DAB1: variants seen among roughly 807,000 people sequenced by gnomAD.
DAB1 encodes disabled homolog 1.
DAB1 carries 15 observed loss-of-function variants against 64.6 expected under a neutral mutation model. The observed-to-expected ratio is 0.23, with a 90% CI of 0.16 to 0.36. The LOEUF (loss-of-function observed/expected upper bound fraction) is 0.36, where lower values mean the gene tolerates loss of function less well. Among genes scored for constraint, DAB1 ranks in the 10% least tolerant of loss-of-function variants. The pLI, the probability that DAB1 is intolerant of heterozygous loss-of-function variation, is 1.00. For synonymous variants in DAB1, 235 were observed against 251.9 expected, an observed-to-expected ratio of 0.93 and a Z score of 0.64; for missense variants, 596 against 706.7, an observed-to-expected ratio of 0.84 and a Z score of 1.78.
At chr1:58,189,490 C>G (rs1448131339) in intron 4 of DAB1, among the ~76,000 whole-genome samples, 1 of 152,204 alleles carries the variant, frequency 6.6e-6, no homozygotes, top group Admixed American at 6.5e-5. Flanking sequence ...ACCCTCATTT[C>G]TATCATTTAG....
chr1:58,133,146 C>G (rs761181469), intron 5 of DAB1, among the ~76,000 whole-genome samples: 3 of 152,100 alleles, frequency 2.0e-5, no homozygotes, highest in Non-Finnish European at 4.4e-5. Context: ...GTTTGGCACA[C>G]AAGGGCTTTC....
At chr1:57,245,653 T>TG (rs1668814662) in intron 2 of DAB1, among the ~76,000 whole-genome samples, 1 of 152,236 alleles carries the variant, frequency 6.6e-6, no homozygotes, top group African/African-American at 2.4e-5. Flanking sequence ...GGTGTATATG[T>TG]GCCACATTTT....
At chr1:57,351,352 T>C (rs1277400908) in intron 1 of DAB1, among the ~76,000 whole-genome samples, 1 of 152,102 alleles carries the variant, frequency 6.6e-6, no homozygotes, top group Non-Finnish European at 1.5e-5. Context: ...GGAAGTCATT[T>C]GGGGGTATGA....
At chr1:57,528,659 C>CACACAT (rs1558464205) in intron 7 of DAB1, among the ~76,000 whole-genome samples, 26 of 151,570 alleles carry the variant, frequency 1.7e-4, no homozygotes, top group Non-Finnish European at 2.4e-4. Flanking sequence ...CACACACACA[C>CACACAT]ACACACACAC....
At chr1:57,150,441 C>A (rs1039848081) in intron 2 of DAB1, among the ~76,000 whole-genome samples, 7 of 152,144 alleles carry the variant, frequency 4.6e-5, no homozygotes, top group Non-Finnish European at 8.8e-5. Flanking sequence ...TGTATACTGT[C>A]CTGCCTCAGT....
intron 14 of DAB1, among the ~76,000 whole-genome samples, chr1:57,004,263 T>A (rs551269767): frequency 6.6e-6 from 1 of 152,352 alleles, no homozygotes; most frequent in East Asian, 1.9e-4. Flanking sequence ...GGCAAATGGT[T>A]TCCTATGTCA....
At chr1:57,130,962 T>C (rs1657604629) in intron 4 of DAB1, among the ~76,000 whole-genome samples, 1 of 152,190 alleles carries the variant, frequency 6.6e-6, no homozygotes, top group Non-Finnish European at 1.5e-5. Flanking sequence ...CATTAGAAAG[T>C]CATATAGCAT....
chr1:57,807,769 C>A (rs148533243), intron 6 of DAB1, among the ~76,000 whole-genome samples: 256 of 152,248 alleles, frequency 1.7e-3, no homozygotes, highest in South Asian at 2.7e-3. Context: ...TCCTCAAACA[C>A]CCCTGAGACA....
intron 6 of DAB1, among the ~76,000 whole-genome samples, chr1:57,728,755 C>G (rs1164807595): frequency 1.3e-5 from 2 of 152,198 alleles, no homozygotes; most frequent in African/African-American, 4.8e-5. Context: ...AAACCAAAAT[C>G]AAGTAGTTGC....
intron 4 of DAB1, among the ~76,000 whole-genome samples, chr1:58,212,156 T>C (rs1658588988): frequency 6.6e-6 from 1 of 152,164 alleles, no homozygotes; most frequent in African/African-American, 2.4e-5. Context: ...CCTGGGCCAG[T>C]TGTTAATGAA....
intron 7 of DAB1, among the ~76,000 whole-genome samples, chr1:57,528,954 G>C (rs915584429): frequency 2.0e-5 from 3 of 152,002 alleles, no homozygotes; most frequent in African/African-American, 7.2e-5. Context: ...AACAATACCA[G>C]ACAGAAGACA....
chr1:57,147,494 T>C (rs17115210), intron 2 of DAB1, among the ~76,000 whole-genome samples: 5,967 of 152,148 alleles, frequency 0.039, 386 homozygotes, highest in African/African-American at 0.14. Context: ...CTTTGAGTAA[T>C]ATTCCACAAA....
intron 4 of DAB1, among the ~76,000 whole-genome samples, chr1:57,106,876 AT>A (rs1470294618): frequency 2.0e-5 from 3 of 152,176 alleles, no homozygotes; most frequent in Non-Finnish European, 4.4e-5. Context: ...TTATAAAAAA[AT>A]AAAAACAGAT....
upstream of DAB1, among the ~76,000 whole-genome samples, chr1:57,884,692 C>T (rs1202825): frequency 0.62 from 93,789 of 152,064 alleles, 29,130 homozygotes; most frequent in African/African-American, 0.68. Context: ...TGCTATAGTT[C>T]GGATGTTTGT....
intron 4 of DAB1, among the ~76,000 whole-genome samples, chr1:57,095,705 G>A (rs921110762): frequency 6.6e-6 from 1 of 152,172 alleles, no homozygotes; most frequent in African/African-American, 2.4e-5. Flanking sequence ...CTAGGTGTGA[G>A]GAGGGAACTT....
At chr1:57,613,611 T>C (rs1262222468) in intron 7 of DAB1, among the ~76,000 whole-genome samples, 1 of 152,200 alleles carries the variant, frequency 6.6e-6, no homozygotes, top group Non-Finnish European at 1.5e-5. Context: ...TTCCCCAGGA[T>C]ATTTTCCCCC....
chr1:57,046,166 A>G (rs1648459370), intron 9 of DAB1, among the ~76,000 whole-genome samples: 1 of 152,210 alleles, frequency 6.6e-6, no homozygotes, highest in Non-Finnish European at 1.5e-5. Flanking sequence ...AAGCAGATCT[A>G]TCGAATTGGG....
At chr1:58,364,837 G>A (rs1048465849) in intron 3 of DAB1, among the ~76,000 whole-genome samples, 3 of 152,104 alleles carry the variant, frequency 2.0e-5, no homozygotes, top group Non-Finnish European at 2.9e-5. Context: ...ATTATTTCTT[G>A]TTACCCTTTT....
intron 1 of DAB1, among the ~76,000 whole-genome samples, chr1:57,423,076 T>C (rs761734042): frequency 2.0e-5 from 3 of 151,752 alleles, no homozygotes; most frequent in Non-Finnish European, 4.4e-5. Context: ...TCCCTGCCTC[T>C]GGGTTCTCTC....
Sources: allele counts gnomAD v4.1 joint callset (sites outside exome capture counted in the v4.1 genomes callset), GRCh38; gene constraint gnomAD v4.1.1; transcripts MANE v1.5; gene names NCBI Gene and HGNC (gene_info 2026-07-23, HGNC 2026-07-21).